SEPTIN7: variants seen among roughly 807,000 people sequenced by gnomAD.
The protein encoded by SEPTIN7 is septin-7.
In SEPTIN7, 10 loss-of-function variants were observed where a neutral mutation model predicts 63.3. The observed-to-expected ratio is 0.16, with a 90% CI of 0.10 to 0.27. The LOEUF (loss-of-function observed/expected upper bound fraction) is 0.27. Among genes scored for constraint, SEPTIN7 ranks in the 10% least tolerant of loss-of-function variants. The probability of loss-of-function intolerance (pLI) is 1.00; values close to 1 mark genes in which losing one functional copy is unlikely to be tolerated. For missense variants in SEPTIN7, 310 were observed against 521.0 expected (o/e 0.59, Z 3.94); for synonymous variants, 131 against 165.3 (o/e 0.79, Z 1.59).
chr7:35,805,027 A>G (rs1788243049), intron 1 of SEPTIN7, among the ~76,000 whole-genome samples: 1 of 151,326 alleles, frequency 6.6e-6, no homozygotes, highest in East Asian at 1.9e-4. Context: ...GGTTACAGGC[A>G]CTCGCCACCA....
At chr7:35,817,511 G>T (rs1789146860) in intron 1 of SEPTIN7, among the ~76,000 whole-genome samples, 1 of 151,892 alleles carries the variant, frequency 6.6e-6, no homozygotes, top group Non-Finnish European at 1.5e-5. Flanking sequence ...AAATTGTTTT[G>T]GTTATTCTGG....
downstream of SEPTIN7, among the ~76,000 whole-genome samples, chr7:35,909,136 T>A (rs1387103409): frequency 6.6e-6 from 1 of 152,206 alleles, no homozygotes; most frequent in Admixed American, 6.5e-5. Flanking sequence ...TTTTTTTTCC[T>A]TAGGGATAAC....
intron 3 of SEPTIN7, among the ~76,000 whole-genome samples, chr7:35,859,859 C>A (rs1004308881): frequency 3.9e-5 from 6 of 152,000 alleles, no homozygotes; most frequent in African/African-American, 9.7e-5. Flanking sequence ...TTACTTTGAA[C>A]CTATGTGTTT....
At chr7:35,867,418 C>G (rs1239402180) in intron 4 of SEPTIN7, among the ~76,000 whole-genome samples, 1 of 152,176 alleles carries the variant, frequency 6.6e-6, no homozygotes, top group African/African-American at 2.4e-5. Flanking sequence ...GGCGCGATCT[C>G]GGTTCACTAC....
At chr7:35,881,572 A>C (rs751705303) in intron 7 of SEPTIN7, among the ~76,000 whole-genome samples, 7 of 150,578 alleles carry the variant, frequency 4.6e-5, no homozygotes, top group South Asian at 4.2e-4. Flanking sequence ...TTCAGTGACA[A>C]TTTTACTTCT....
intron 4 of SEPTIN7, among the ~76,000 whole-genome samples, chr7:35,870,823 T>TAA (rs34827594): frequency 0.066 from 7,556 of 114,468 alleles, 236 homozygotes; most frequent in South Asian, 0.18. Flanking sequence ...AGACCCTGAC[T>TAA]AAAAAAAAAA....
chr7:35,802,256 A>G (rs772010797), intron 1 of SEPTIN7: 1 of 369,418 alleles, frequency 2.7e-6, no homozygotes, highest in Admixed American at 2.9e-5. Context: ...CCTGAGTTCC[A>G]TTTCAGCTGT....
intron 1 of SEPTIN7, among the ~76,000 whole-genome samples, chr7:35,819,647 A>G (rs756203932): frequency 7.9e-5 from 12 of 152,076 alleles, no homozygotes; most frequent in Non-Finnish European, 1.5e-4. Flanking sequence ...AAATTGTTCT[A>G]TCTTCTCAAT....
Position 35,801,259 on chromosome 7 carries a change from G to C in SEPTIN7, c.50G>C (p.Ser17Thr), listed in dbSNP as rs1787942709. 6.6e-7 allele frequency: 1 copy of C among 1,521,850 alleles called. No homozygotes were observed. The highest frequency in any genetic ancestry group is 1.5e-5 in the African/African-American group (1 of 67,086). The allele number at this position is 1,521,850 out of a possible 1,614,324, so 94.3% of individuals were successfully genotyped here. A position where few individuals can be genotyped will look rare whatever the true frequency, so the allele number is the denominator to read the frequency against. ...SAAAEERSVN[S>T]STMVAQQKNL... ...GCTGCTGAGGAGAGGAGCGTCAACA[G>C]CAGCACCATGGGTGAGTCTCAGCTT... The change falls in exon 1 of 14, where the codon AGC becomes ACC. Residue 17 changes from serine (S) to threonine (T), a missense_variant. Ser to Thr is a moderately conservative substitution (Grantham distance 58, BLOSUM62 1). Coordinates refer to ENST00000350320, the MANE Select transcript of SEPTIN7 (RefSeq NM_001788.6).
At chr7:35,837,851 C>T (rs1402605156) in intron 3 of SEPTIN7, among the ~76,000 whole-genome samples, 2 of 152,104 alleles carry the variant, frequency 1.3e-5, no homozygotes, top group South Asian at 2.1e-4. Flanking sequence ...CCTGCTTCAG[C>T]CTCCCTGGGA....
intron 3 of SEPTIN7, among the ~76,000 whole-genome samples, chr7:35,849,001 C>G (rs1331303542): frequency 1.3e-5 from 2 of 152,154 alleles, no homozygotes; most frequent in Admixed American, 1.3e-4. Flanking sequence ...TACTAGCTAT[C>G]CAGCAGAATT....
intron 1 of SEPTIN7, among the ~76,000 whole-genome samples, chr7:35,822,530 T>A (rs1278506830): frequency 6.6e-6 from 1 of 152,096 alleles, no homozygotes; most frequent in East Asian, 1.9e-4. Context: ...AATCTAATGC[T>A]GCCGCTGATC....
downstream of SEPTIN7, among the ~76,000 whole-genome samples, chr7:35,910,734 C>G (rs1433015084): frequency 6.6e-6 from 1 of 152,182 alleles, no homozygotes; most frequent in Non-Finnish European, 1.5e-5. Context: ...AGCCCATATA[C>G]AACTGAATCT....
chr7:35,912,145 C>T, the SEPTIN7 span, among the ~76,000 whole-genome samples: 9 of 152,186 alleles, frequency 5.9e-5, no homozygotes, highest in African/African-American at 2.2e-4. Context: ...AAAATCTGGC[C>T]ATAAACTGGC....
chr7:35,863,267 G>GA (rs1371804422), intron 3 of SEPTIN7, among the ~76,000 whole-genome samples: 1 of 151,962 alleles, frequency 6.6e-6, no homozygotes, highest in Non-Finnish European at 1.5e-5. Flanking sequence ...TTTTCTTTGG[G>GA]AATAACATTA....
At chr7:35,826,015 C>G (rs1041337178) in intron 1 of SEPTIN7, among the ~76,000 whole-genome samples, 1 of 151,960 alleles carries the variant, frequency 6.6e-6, no homozygotes, top group African/African-American at 2.4e-5. Context: ...GGATGAGGAA[C>G]ATAAAAACTG....
intron 11 of SEPTIN7, among the ~76,000 whole-genome samples, chr7:35,893,720 A>G (rs577254495): frequency 6.6e-6 from 1 of 152,320 alleles, no homozygotes; most frequent in Non-Finnish European, 1.5e-5. Flanking sequence ...TTAAAAATAC[A>G]TGTGTAGATG....
At chr7:35,873,819 T>A (rs769669786) in intron 6 of SEPTIN7, 44 bp downstream of exon 6, 1 of 1,585,144 alleles carries the variant, frequency 6.3e-7, no homozygotes, top group East Asian at 2.2e-5. Flanking sequence ...TTGTTGTTGC[T>A]TACTGTTACC....
chr7:35,823,532 G>A (rs1286718156), intron 1 of SEPTIN7, among the ~76,000 whole-genome samples: 1 of 152,012 alleles, frequency 6.6e-6, no homozygotes, highest in Non-Finnish European at 1.5e-5. Context: ...TTTACTTCCT[G>A]CCTTCCATCC....
Sources: gnomAD v4.1 joint callset for allele counts (sites outside exome capture counted in the v4.1 genomes callset) on GRCh38, gnomAD v4.1.1 for gene constraint, MANE v1.5 for transcripts, NCBI Gene and HGNC (gene_info 2026-07-23, HGNC 2026-07-21) for gene names.